Variants in VASH2 observed in about 807,000 individuals in gnomAD.
VASH2 encodes vasohibin 2.
VASH2 carries 28 observed loss-of-function variants against 37.2 expected under a neutral mutation model. That is an observed-to-expected ratio of 0.75 (90% CI 0.56 to 1.03). VASH2 has a LOEUF of 1.03. Among genes scored for constraint, VASH2 ranks in the 50% least tolerant of loss-of-function variants. The pLI is 0.00. For synonymous variants in VASH2, 188 were observed against 174.7 expected (o/e 1.08, Z -0.60); for missense variants, 419 against 459.1 (o/e 0.91, Z 0.80).
chr1:212,974,048 A>T lies in VASH2; in HGVS notation c.973A>T (p.Arg325Trp). 4 of 1,613,236 alleles carry T rather than the reference A, an allele frequency of 2.5e-6. No individual in the cohort carries two copies. Among genetic ancestry groups the T allele is most frequent in the Non-Finnish European group, 3.4e-6 (4 of 1,179,492 alleles). The change falls in exon 7 of 8, where the codon AGG becomes TGG. Residue 325 changes from arginine to tryptophan, a missense_variant. This residue lies in a region of VASH2 where 177 missense variants were observed against 166.2 expected (regional missense o/e 1.06). Transcript: ENST00000517399. The stretch of plus-strand genomic sequence containing the variant: ...AAGGAGACAGGCAAGCCCCCCGAGG[A>T]GGCTCGGCCGGCGAGAGAAGTCGTG... Reference protein sequence around the residue: ...PRRRQASPPRRLGRREKSPAL... With the variant: ...PRRRQASPPRWLGRREKSPAL...
Position 212,988,493 on chromosome 1 carries a change from TTCTG to T in VASH2, c.996-15_996-12del. The T allele has an allele frequency of 6.2e-7, 1 of 1,613,692 alleles. No homozygotes were observed. The highest frequency in any genetic ancestry group is 8.5e-7 in the Non-Finnish European group (1 of 1,179,680). ...CCCCATCCCCTCTCCTCCACCATAT[TTCTG>T]TCTTTTACCCTTAGGCCTGCACTGC... On this transcript the variant is annotated splice_polypyrimidine_tract_variant and intron_variant, in intron 7 of 7. Coordinates refer to ENST00000517399, the MANE Select transcript of VASH2 (RefSeq NM_001301056.2).
intron 7 of VASH2, among the ~76,000 whole-genome samples, chr1:212,980,239 C>G (rs534624509): frequency 6.6e-6 from 1 of 152,246 alleles, no homozygotes; most frequent in Non-Finnish European, 1.5e-5. Flanking sequence ...ATGAGCTGGC[C>G]CTGGGTGAAT....
intron 7 of VASH2, among the ~76,000 whole-genome samples, chr1:212,975,283 C>T (rs930784434): frequency 4.6e-5 from 7 of 152,330 alleles, no homozygotes; most frequent in South Asian, 4.1e-4. Flanking sequence ...TGCCCCATTC[C>T]GCGTCCTACA....
chr1:212,952,931 C>G (rs1290432515), intron 2 of VASH2: 1 of 152,234 alleles, frequency 6.6e-6, no homozygotes, highest in African/African-American at 2.4e-5. Context: ...TTCTATTACT[C>G]TGCTGGTCAA....
intron 5 of VASH2, chr1:212,968,771 A>G (rs1454960956): frequency 3.0e-6 from 3 of 985,434 alleles, no homozygotes; most frequent in Admixed American, 6.1e-5. Flanking sequence ...TAATGGGGGC[A>G]GATGATTGGC....
At chr1:212,966,960 G>C in intron 5 of VASH2, 1 of 479,720 alleles carries the variant, frequency 2.1e-6, no homozygotes, top group Non-Finnish European at 3.9e-6. Context: ...CAGCAGGCTG[G>C]TCTCAAACTG....
intron 7 of VASH2, among the ~76,000 whole-genome samples, chr1:212,982,106 C>T (rs1667355523): frequency 6.6e-6 from 1 of 152,154 alleles, no homozygotes; most frequent in Non-Finnish European, 1.5e-5. Context: ...CTTTGAGCAC[C>T]CTCCGTCCAG....
intron 3 of VASH2, 42 bp from the exon 4 acceptor site, chr1:212,965,680 T>A (rs1666819708): frequency 6.6e-7 from 1 of 1,508,274 alleles, no homozygotes; most frequent in Non-Finnish European, 9.0e-7. Context: ...TACTGGGACC[T>A]TTGGAGTTTT....
intron 5 of VASH2, among the ~76,000 whole-genome samples, chr1:212,970,349 C>T (rs1666972801): frequency 6.6e-6 from 1 of 152,166 alleles, no homozygotes; most frequent in African/African-American, 2.4e-5. Context: ...GGGACTGGTG[C>T]TCTCTCTTGT....
intron 7 of VASH2, among the ~76,000 whole-genome samples, chr1:212,983,068 G>C (rs1667381742): frequency 6.6e-6 from 1 of 152,212 alleles, no homozygotes; most frequent in Non-Finnish European, 1.5e-5. Flanking sequence ...AAAGGTAACA[G>C]ATGATTCACT....
chr1:212,961,144 CCTCTT>C lies in VASH2; in HGVS notation c.277-17_277-13del, dbSNP rs1666662816. 6.2e-7 allele frequency: 1 copy of C among 1,613,502 alleles called. No homozygotes were observed. Among genetic ancestry groups the C allele is most frequent in the East Asian group, 2.2e-5 (1 of 44,870 alleles). Reference sequence around the variant, plus strand: ...CAGAGCGCCTCCTTCATAAACACCTCCTCTTCTCTATTTTTCTGCAGCCTTCAATA... The same window carrying C: ...CAGAGCGCCTCCTTCATAAACACCTCCTCTATTTTTCTGCAGCCTTCAATA... On this transcript the variant is annotated splice_polypyrimidine_tract_variant and intron_variant, in intron 2 of 7. Transcript: ENST00000517399.
In VASH2 at chr1:212,968,418, G is replaced by A. The variant is rs542780161; in HGVS notation, c.497+2073G>A. 3.0e-5 allele frequency: 30 copies of A among 985,514 alleles called. No homozygotes were observed. In the East Asian group the frequency reaches 1.0e-3, roughly 34 times the overall value. 61.0% of individuals were successfully genotyped at this position (985,514 alleles called of 1,614,324 possible). On this transcript the variant is annotated intron_variant, in intron 5 of 7. Coordinates refer to ENST00000517399, the MANE Select transcript of VASH2 (RefSeq NM_001301056.2). The stretch of plus-strand genomic sequence containing the variant: ...GCTCAGAATTAGACTGGGGACAGGA[G>A]GATTGGTCTAGTCTGTTTTCTGGGT...
At chr1:212,980,587 C>G (rs1478784900) in intron 7 of VASH2, among the ~76,000 whole-genome samples, 2 of 152,192 alleles carry the variant, frequency 1.3e-5, no homozygotes, top group African/African-American at 4.8e-5. Context: ...GGGCCTTGAG[C>G]TGGACAATGG....
chr1:212,972,842 C>CA lies in VASH2; in HGVS notation c.761dup (p.His254GlnfsTer2), dbSNP rs35498044. ...GGTCAAGATTGGGCTGTACGTCCCCCATGAGCCTCATAGCTTCCAGCCCAT... is the reference window on the plus strand; with the variant it reads ...GGTCAAGATTGGGCTGTACGTCCCCCAATGAGCCTCATAGCTTCCAGCCCAT... On this transcript the variant is annotated frameshift_variant, in exon 6 of 8. Coordinates refer to ENST00000517399, the MANE Select transcript of VASH2 (RefSeq NM_001301056.2). LOFTEE classifies it high-confidence loss of function. 2.5e-6 allele frequency: 4 copies of CA among 1,614,180 alleles called. No homozygotes were observed. Among genetic ancestry groups the CA allele is most frequent in the Non-Finnish European group, 3.4e-6 (4 of 1,180,046 alleles).
chr1:212,968,783 G>A, intron 5 of VASH2: 1 of 985,518 alleles, frequency 1.0e-6, no homozygotes, highest in Non-Finnish European at 1.2e-6. Context: ...ATGATTGGCT[G>A]GGGATTTGCT....
intron 3 of VASH2, among the ~76,000 whole-genome samples, chr1:212,962,816 T>C (rs536200832): frequency 1.4e-3 from 211 of 152,304 alleles, no homozygotes; most frequent in African/African-American, 4.9e-3. Context: ...CTGTTTGTGC[T>C]GATCCCCACT....
intron 3 of VASH2, among the ~76,000 whole-genome samples, chr1:212,961,643 C>T (rs1031950899): frequency 1.3e-5 from 2 of 152,216 alleles, no homozygotes; most frequent in African/African-American, 4.8e-5. Flanking sequence ...TGCTTTGTCA[C>T]CCAGGATGGA....
At position 212,988,725 on chromosome 1, in the gene VASH2, T is replaced by C. The variant is rs549220333; in HGVS notation, c.*141T>C. 1.6e-5 allele frequency: 15 copies of C among 925,702 alleles called. No individual in the cohort carries two copies. In the East Asian group the frequency reaches 3.7e-4, roughly 23 times the overall value. The allele number at this position is 925,702 out of a possible 1,614,324, so 57.3% of individuals were successfully genotyped here. ...GATTCACCTGGAAATAGAATCTGAG[T>C]GGGTGGTAACCATTAGCTTTAAAAA... On this transcript the variant is annotated 3_prime_UTR_variant, in exon 8 of 8. Coordinates refer to ENST00000517399, the MANE Select transcript of VASH2 (RefSeq NM_001301056.2).
intron 5 of VASH2, chr1:212,967,316 C>G (rs964533897): frequency 7.8e-5 from 96 of 1,238,270 alleles, no homozygotes; most frequent in Non-Finnish European, 9.5e-5. Flanking sequence ...CCATTGGAAT[C>G]ACCCACAACC....
Sources: gnomAD v4.1 joint callset for allele counts (sites outside exome capture counted in the v4.1 genomes callset) on GRCh38, gnomAD v4.1.1 for gene constraint, gnomAD v4.1.1 regional missense constraint, MANE v1.5 for transcripts, NCBI Gene and HGNC (gene_info 2026-07-23, HGNC 2026-07-21) for gene names.